MSI2: variants seen among roughly 807,000 people sequenced by gnomAD.
MSI2 encodes the protein RNA-binding protein Musashi homolog 2.
MSI2 carries 17 observed loss-of-function variants against 45.6 expected under a neutral mutation model. The ratio of observed to expected loss-of-function variants is 0.37; its 90% CI spans 0.26 to 0.56. MSI2 has a LOEUF of 0.56. Ranked by LOEUF, MSI2 falls within the 20% of genes least tolerant of loss-of-function variation. The probability of loss-of-function intolerance (pLI) is 0.77; values close to 1 mark genes in which losing one functional copy is unlikely to be tolerated. For synonymous variants in MSI2, 156 were observed against 158.2 expected (o/e 0.99, Z 0.11); for missense variants, 293 against 444.2 (o/e 0.66, Z 3.06).
chr17:57,481,847 T>C (rs572658002), intron 6 of MSI2, among the ~76,000 whole-genome samples: 6 of 152,350 alleles, frequency 3.9e-5, no homozygotes, highest in Admixed American at 2.6e-4. Flanking sequence ...GTTATTCAGC[T>C]TGATTGCAGC....
In MSI2 at chr17:57,679,607, G is replaced by A; in HGVS notation, c.*90G>A. ...AGTTTCTGAGTGGCCCTTTGTTTAG[G>A]TGATGTCCTCAGACCTGGACCCCCA... On this transcript the variant is annotated 3_prime_UTR_variant, in exon 14 of 14. Transcript: ENST00000284073. 9.4e-7 allele frequency: 1 copy of A among 1,063,162 alleles called. No homozygotes were observed. The highest frequency in any genetic ancestry group is 4.6e-5 in the South Asian group (1 of 21,944). 65.9% of individuals were successfully genotyped at this position (1,063,162 alleles called of 1,614,324 possible).
chr17:57,304,588 A>G (rs1214680170), intron 5 of MSI2, among the ~76,000 whole-genome samples: 1 of 151,256 alleles, frequency 6.6e-6, no homozygotes, highest in African/African-American at 2.4e-5. Flanking sequence ...ACGCCCAGCT[A>G]ATTTTTGTAT....
At position 57,407,483 on chromosome 17, in the gene MSI2, G is replaced by A. The variant is rs1034296611; in HGVS notation, c.405+6012G>A. On this transcript the variant is annotated intron_variant, in intron 6 of 13. Coordinates refer to ENST00000284073, the MANE Select transcript of MSI2 (RefSeq NM_138962.4). The surrounding 1 kb of genome is among the most constrained non-coding windows in gnomAD (Gnocchi z 4.1). ...TGTTTTCTTGCTTTAAATGTGTGTC[G>A]TAGATAAACAGAGCTCTGTGCAGTG... is the stretch of plus-strand genomic sequence containing the variant. Among the ~76,000 whole-genome samples the A allele has an allele frequency of 2.6e-5, 4 of 152,182 alleles. No individual in the cohort carries two copies. Among genetic ancestry groups the A allele is most frequent in the African/African-American group, 7.2e-5 (3 of 41,438 alleles).
chr17:57,564,434 T>C (rs2087678329), intron 7 of MSI2, among the ~76,000 whole-genome samples: 1 of 152,204 alleles, frequency 6.6e-6, no homozygotes, highest in African/African-American at 2.4e-5. Flanking sequence ...CTCTGATGTT[T>C]CTGGGCCTCA....
chr17:57,257,263 A>G, intron 2 of MSI2, 125 bp downstream of exon 2: 1 of 462,694 alleles, frequency 2.2e-6, no homozygotes, highest in Non-Finnish European at 3.5e-6. Flanking sequence ...GTGCAAGGTT[A>G]TTTTTTTTAA....
In MSI2 at chr17:57,651,106, G is replaced by A. The variant is rs576637336; in HGVS notation, c.728-993G>A. 1.1e-4 allele frequency among the ~76,000 whole-genome samples: 16 copies of A among 152,292 alleles called. No homozygotes were observed. In the South Asian group the frequency reaches 1.2e-3, roughly 12 times the overall value. Reference sequence around the variant, plus strand: ...AGTGTATCTGTGTATGTCCCAGCACGAGGCTGTGCGTGCACGTGCTGGTGG... The same window carrying A: ...AGTGTATCTGTGTATGTCCCAGCACAAGGCTGTGCGTGCACGTGCTGGTGG... On this transcript the variant is annotated intron_variant, in intron 10 of 13. Transcript: ENST00000284073.
chr17:57,306,422 C>G (rs1911901319), intron 5 of MSI2, among the ~76,000 whole-genome samples: 1 of 152,188 alleles, frequency 6.6e-6, no homozygotes. Flanking sequence ...AAACGAAGTC[C>G]TGTCCGCCCC....
At chr17:57,411,451 G>A (rs991013850) in intron 6 of MSI2, among the ~76,000 whole-genome samples, 5 of 152,146 alleles carry the variant, frequency 3.3e-5, no homozygotes, top group Admixed American at 6.5e-5. Context: ...CTGTTTGCCC[G>A]AACCGTTCAT....
At chr17:57,376,989 C>T (rs751477848) in intron 5 of MSI2, among the ~76,000 whole-genome samples, 1 of 151,276 alleles carries the variant, frequency 6.6e-6, no homozygotes, top group Non-Finnish European at 1.5e-5. Flanking sequence ...GGCGCGATCT[C>T]GGCTCACTGC....
intron 5 of MSI2, among the ~76,000 whole-genome samples, chr17:57,394,697 G>C (rs1429100406): frequency 6.6e-6 from 1 of 152,190 alleles, no homozygotes; most frequent in African/African-American, 2.4e-5. Flanking sequence ...GGTGTCATTT[G>C]ACCATTTAAA....
chr17:57,698,595 C>T, the MSI2 span, among the ~76,000 whole-genome samples: 1 of 152,156 alleles, frequency 6.6e-6, no homozygotes, highest in African/African-American at 2.4e-5. Flanking sequence ...GGTGCGCCTT[C>T]CGTGGCTGCT....
chr17:57,402,463 G>A (rs1460589331), intron 6 of MSI2, among the ~76,000 whole-genome samples: 1 of 152,200 alleles, frequency 6.6e-6, no homozygotes, highest in East Asian at 1.9e-4. Flanking sequence ...AGAAGACACA[G>A]TGCCCGTGCT....
rs533804530 is a variant in MSI2, at chr17:57,527,001, C to T, written c.406-2675C>T. On this transcript the variant is annotated intron_variant, in intron 6 of 13. Transcript: ENST00000284073. The stretch of plus-strand genomic sequence containing the variant: ...AGGGCGCTATTAGAAAACGTCCAAA[C>T]TTAGGAAGGAAAAGGAGAGCCAATT... Among the ~76,000 whole-genome samples, 201 of 152,144 alleles carry T rather than the reference C, an allele frequency of 1.3e-3. 3 individuals are homozygous for T. Among genetic ancestry groups the T allele is most frequent in the Admixed American group, 8.8e-3 (135 of 15,284 alleles).
intron 5 of MSI2, among the ~76,000 whole-genome samples, chr17:57,369,286 T>C (rs1287415636): frequency 6.6e-6 from 1 of 152,194 alleles, no homozygotes; most frequent in East Asian, 1.9e-4. Flanking sequence ...CCATTCCTTC[T>C]TTACACCATC....
At chr17:57,332,681 C>T (rs1461301819) in intron 5 of MSI2, among the ~76,000 whole-genome samples, 1 of 152,196 alleles carries the variant, frequency 6.6e-6, no homozygotes, top group Admixed American at 6.5e-5. Flanking sequence ...TAAAAACTTG[C>T]TTCTCTTGAG....
chr17:57,378,751 C>T (rs1333548228), intron 5 of MSI2, among the ~76,000 whole-genome samples: 1 of 152,172 alleles, frequency 6.6e-6, no homozygotes, highest in Non-Finnish European at 1.5e-5. Context: ...GGGGTGTTGG[C>T]ATACCAGGCT....
At position 57,645,859 on chromosome 17, in the gene MSI2, G is replaced by A. The variant is rs60717275; in HGVS notation, c.728-6240G>A. On this transcript the variant is annotated intron_variant, in intron 10 of 13. Transcript: ENST00000284073. ...GGGTCCAGTGAGCAACCAGGGTTGA[G>A]AATCAGCACCCATACAGAGCAGGGC... 6.6e-3 allele frequency among the ~76,000 whole-genome samples: 999 copies of A among 152,320 alleles called. 9 individuals carry two copies. The highest frequency in any genetic ancestry group is 0.023 in the African/African-American group (942 of 41,550).
chr17:57,295,992 C>CTTTTTTTTTTTTTTTTTTTTTTT (rs386386327), intron 5 of MSI2, among the ~76,000 whole-genome samples: 2 of 38,624 alleles, frequency 5.2e-5, no homozygotes, highest in Non-Finnish European at 1.1e-4. Flanking sequence ...CGCAGCCTTC[C>CTTTTTTTTTTTTTTTTTTTTTTT]TTTTTTTTTT....
At chr17:57,607,853 C>G (rs767789737) in intron 8 of MSI2, among the ~76,000 whole-genome samples, 6 of 152,030 alleles carry the variant, frequency 3.9e-5, no homozygotes, top group Admixed American at 1.3e-4. Context: ...TGCAAGCAAG[C>G]GAGAGAGTGC....
Sources: gnomAD v4.1 joint callset for allele counts (sites outside exome capture counted in the v4.1 genomes callset) on GRCh38, gnomAD v4.1.1 for gene constraint, Gnocchi (gnomAD v3.1) non-coding constraint, MANE v1.5 for transcripts, NCBI Gene and HGNC (gene_info 2026-07-23, HGNC 2026-07-21) for gene names.